The following CROCC2 variants were observed in gnomAD, a reference collection of about 807,000 sequenced individuals.
The protein encoded by CROCC2 is ciliary rootlet coiled-coil, rootletin family member 2, also known as ciliary rootlet coiled-coil protein 2.
A neutral mutation model predicts 177.6 loss-of-function variants in CROCC2; 163 were observed. The ratio of observed to expected loss-of-function variants is 0.92; its 90% CI spans 0.81 to 1.05. The LOEUF (loss-of-function observed/expected upper bound fraction) is 1.05, where lower values mean the gene tolerates loss of function less well. Among genes scored for constraint, CROCC2 ranks in the 50% least tolerant of loss-of-function variants. The pLI, the probability that CROCC2 is intolerant of heterozygous loss-of-function variation, is 0.00. For missense variants in CROCC2, 1,929 were observed against 1,797.8 expected (o/e 1.07, Z -1.32); for synonymous variants, 904 against 787.3 (o/e 1.15, Z -2.48).
At chr2:240,907,435 G>A (rs1384674641) in intron 1 of CROCC2, among the ~76,000 whole-genome samples, 1 of 152,102 alleles carries the variant, frequency 6.6e-6, no homozygotes, top group Non-Finnish European at 1.5e-5. Context: ...GACCCCTCGG[G>A]ACCCCAGGGA....
In CROCC2 at chr2:240,932,871, T is replaced by C. The variant is rs754864017; in HGVS notation, c.1214T>C (p.Met405Thr). Residue 405 changes from methionine to threonine, a missense_variant, in exon 9 of 32, where the codon ATG (methionine) becomes ACG (threonine). Transcript: ENST00000690015. ...PATLDPALQA[M>T]RAAIERRWRR... ...ACCCTGGACCCCGCACTGCAGGCCA[T>C]GCGGGCAGCCATAGAGAGGCGGTGG... 265 of 1,547,098 alleles carry C rather than the reference T, an allele frequency of 1.7e-4. 1 individual carries two copies. The highest frequency in any genetic ancestry group is 2.3e-4 in the Non-Finnish European group (261 of 1,145,910).
rs1574783149 is a variant in CROCC2, at chr2:240,963,866, G to C, written c.3305+93G>C. 1.4e-5 allele frequency: 19 copies of C among 1,347,446 alleles called. No homozygotes were observed. The East Asian group carries it at 4.3e-4, about 30-fold the overall frequency. The allele number at this position is 1,347,446 out of a possible 1,614,324, so 83.5% of individuals were successfully genotyped here. On this transcript the variant is annotated intron_variant, in intron 21 of 31. Coordinates refer to ENST00000690015, the MANE Select transcript of CROCC2 (RefSeq NM_001351305.2). ...GATGGGGCAAGGGGGCTAGGCAGGG[G>C]CGTCCTGTTGACTTGGGCCCCACTG...
chr2:240,965,953 C>A lies in CROCC2; in HGVS notation c.3921C>A (p.Ser1307Arg). The A allele has an allele frequency of 7.2e-7, 1 of 1,396,410 alleles. No homozygotes were observed. Among genetic ancestry groups the A allele is most frequent in the African/African-American group, 1.5e-5 (1 of 68,096 alleles). 86.5% of individuals were successfully genotyped at this position (1,396,410 alleles called of 1,614,324 possible). A position where few individuals can be genotyped will look rare whatever the true frequency, so the allele number is the denominator to read the frequency against. ...GTGGCCTGGGGCTCCAGAGACAGAGCCCGTGGGCCTCCCCGGAGCAGCCTG... is the reference window on the plus strand; with the variant it reads ...GTGGCCTGGGGCTCCAGAGACAGAGACCGTGGGCCTCCCCGGAGCAGCCTG... ...LRRGLGLQRQ[S>R]PWASPEQPGS... The change falls in exon 24 of 32, where the codon AGC becomes AGA. Residue 1307 changes from serine to arginine, a missense_variant. Ser to Arg is a moderately radical substitution (Grantham distance 110, BLOSUM62 -1). Coordinates refer to ENST00000690015, the MANE Select transcript of CROCC2 (RefSeq NM_001351305.2).
intron 21 of CROCC2, 24 bp downstream of exon 21, chr2:240,963,797 C>T: frequency 6.5e-7 from 1 of 1,542,800 alleles, no homozygotes; most frequent in East Asian, 2.5e-5. Flanking sequence ...CCAGGAGCAG[C>T]TGGGGGTGCC....
At chr2:240,991,460 G>A (rs2059879049) in intron 31 of CROCC2, among the ~76,000 whole-genome samples, 182 bp downstream of exon 31, 1 of 152,262 alleles carries the variant, frequency 6.6e-6, no homozygotes. Flanking sequence ...CACGATGACA[G>A]CAGAAAGCAC....
intron 1 of CROCC2, among the ~76,000 whole-genome samples, chr2:240,913,739 C>A (rs760815717): frequency 2.0e-5 from 3 of 152,262 alleles, no homozygotes; most frequent in Non-Finnish European, 2.9e-5. Context: ...GAGACTTAAA[C>A]TGAGCAATTG....
Position 240,918,670 on chromosome 2 carries a change from T to G in CROCC2, c.79-56T>G, listed in dbSNP as rs2059335396. 3 of 535,366 alleles carry G rather than the reference T, an allele frequency of 5.6e-6. No homozygotes were observed. Among genetic ancestry groups the G allele is most frequent in the South Asian group, 2.8e-5 (1 of 35,940 alleles). The allele number at this position is 535,366 out of a possible 1,614,324, so 33.2% of individuals were successfully genotyped here. ...TCCCATTCAGTGGGATCGTAGAGGG[T>G]GCCTGGCAGCTGTTGGGGGCTGCCA... On this transcript the variant is annotated intron_variant, in intron 1 of 31. Transcript: ENST00000690015. This position sits in a 1 kb window ranked among gnomAD's most constrained non-coding sequence, Gnocchi z 6.3.
chr2:240,983,181 G>A, intron 28 of CROCC2, 152 bp downstream of exon 28: 1 of 896,984 alleles, frequency 1.1e-6, no homozygotes, highest in Non-Finnish European at 1.7e-6. Context: ...GGCCTGCAGA[G>A]ACCCAGGCAC....
intron 1 of CROCC2, among the ~76,000 whole-genome samples, chr2:240,911,296 CTTTTT>C (rs35968018): frequency 2.4e-5 from 3 of 123,076 alleles, no homozygotes; most frequent in African/African-American, 9.2e-5. Context: ...ACGTCCACAA[CTTTTT>C]TTTTTTTTTT....
rs1228639854 is a variant in CROCC2, at chr2:240,946,084, G to A, written c.2194G>A (p.Glu732Lys). The A allele has an allele frequency of 2.0e-6, 3 of 1,527,060 alleles. No individual in the cohort carries two copies. Among genetic ancestry groups the A allele is most frequent in the South Asian group, 1.2e-5 (1 of 82,700 alleles). 94.6% of individuals were successfully genotyped at this position (1,527,060 alleles called of 1,614,324 possible). A position where few individuals can be genotyped will look rare whatever the true frequency, so the allele number is the denominator to read the frequency against. The change falls in exon 15 of 32, where the codon GAG becomes AAG. Residue 732 changes from glutamate to lysine, a missense_variant. Glu to Lys is a moderately conservative substitution (Grantham distance 56). This residue lies in a region of CROCC2 where 1,397 missense variants were observed against 1,239.9 expected (regional missense o/e 1.13). Transcript: ENST00000690015. Reference protein sequence around the residue: ...GQVTCQKQALEEQLAQSLQDQ... With the variant: ...GQVTCQKQALKEQLAQSLQDQ... ...GGTCACATGCCAGAAACAGGCCCTG[G>A]AGGAGCAGCTGGCTCAGAGCCTGCA...
chr2:240,916,179 C>T (rs2059318937), intron 1 of CROCC2, among the ~76,000 whole-genome samples: 1 of 152,042 alleles, frequency 6.6e-6, no homozygotes, highest in African/African-American at 2.4e-5. Context: ...GGGTCCTAAG[C>T]GCTTAGGCTG....
At position 240,935,503 on chromosome 2, in the gene CROCC2, G is replaced by A. The variant is rs948900548; in HGVS notation, c.2084G>A (p.Arg695His). The A allele has an allele frequency of 1.1e-5, 15 of 1,344,672 alleles. No homozygotes were observed. The highest frequency in any genetic ancestry group is 6.8e-5 in the Admixed American group (2 of 29,562). 83.3% of individuals were successfully genotyped at this position (1,344,672 alleles called of 1,614,324 possible). A position where few individuals can be genotyped will look rare whatever the true frequency, so the allele number is the denominator to read the frequency against. The change falls in exon 14 of 32, where the codon CGC (arginine) becomes CAC (histidine). Residue 695 changes from arginine (R) to histidine (H), a missense_variant. By Grantham distance (29) the Arg-to-His change is conservative. Transcript: ENST00000690015. ...AGGGGCCTGCAGCAGGCCTGCGGAC[G>A]CCTGGAGCAGCGGCAGGAGCAGCTG... Reference protein sequence around the residue: ...ERRGLQQACGRLEQRQEQLEG... With the variant: ...ERRGLQQACGHLEQRQEQLEG...
chr2:240,927,311 G>C (rs2059401407), intron 5 of CROCC2, among the ~76,000 whole-genome samples: 1 of 152,142 alleles, frequency 6.6e-6, no homozygotes, highest in Non-Finnish European at 1.5e-5. Flanking sequence ...AGGGTTCGCG[G>C]AACCTCTGTG....
chr2:240,967,633 C>A, intron 26 of CROCC2, 168 bp downstream of exon 26: 1 of 961,212 alleles, frequency 1.0e-6, no homozygotes, highest in Non-Finnish European at 1.2e-6. Flanking sequence ...TGGGTCAGCG[C>A]TTGGCATCGG....
rs1013062434 is a variant in CROCC2 at position 240,930,832 on chromosome 2, G to A, written c.750-99G>A. Reference sequence around the variant, plus strand: ...CCATGCAGTGGGGGCTTCTCCTGACGATGGCCAAGGAGGGGGTCCTCTGTG... The same window carrying A: ...CCATGCAGTGGGGGCTTCTCCTGACAATGGCCAAGGAGGGGGTCCTCTGTG... On this transcript the variant is annotated intron_variant, in intron 6 of 31. Coordinates refer to ENST00000690015, the MANE Select transcript of CROCC2 (RefSeq NM_001351305.2). 2.2e-5 allele frequency: 13 copies of A among 602,038 alleles called. 1 individual carries two copies. The highest frequency in any genetic ancestry group is 7.9e-5 in the South Asian group (4 of 50,816). 37.3% of individuals were successfully genotyped at this position (602,038 alleles called of 1,614,324 possible).
At chr2:240,962,499 C>T (rs1446916340) in intron 20 of CROCC2, among the ~76,000 whole-genome samples, 2 of 151,986 alleles carry the variant, frequency 1.3e-5, no homozygotes, top group Non-Finnish European at 2.9e-5. Flanking sequence ...TGGAGGGGAG[C>T]GGAGGGGAGG....
intron 4 of CROCC2, among the ~76,000 whole-genome samples, chr2:240,922,957 C>T (rs115945177): frequency 0.011 from 1,716 of 152,172 alleles, 27 homozygotes; most frequent in African/African-American, 0.039. Context: ...CTGGGCTCAG[C>T]GTGGGCCTCT....
rs1412083119 is a variant in CROCC2 at position 240,935,408 on chromosome 2, G to A, written c.1989G>A (p.Gln663=). The change falls in exon 14 of 32, where the codon CAG becomes CAA. Residue 663 remains glutamine, a synonymous_variant. Transcript: ENST00000690015. ...QLREQRKTLE[Q]ERARAGEQLA... is the part of the protein sequence containing the mutation. ...GGGAACAGCGGAAGACTCTGGAGCAGGAACGGGCCCGGGCCGGGGAGCAGC... is the reference window on the plus strand; with the variant it reads ...GGGAACAGCGGAAGACTCTGGAGCAAGAACGGGCCCGGGCCGGGGAGCAGC... 4.8e-5 allele frequency: 66 copies of A among 1,377,188 alleles called. No homozygotes were observed. Among genetic ancestry groups the A allele is most frequent in the Non-Finnish European group, 6.2e-5 (66 of 1,059,908 alleles). The allele number at this position is 1,377,188 out of a possible 1,614,324, so 85.3% of individuals were successfully genotyped here. A position where few individuals can be genotyped will look rare whatever the true frequency, so the allele number is the denominator to read the frequency against.
Position 240,933,769 on chromosome 2 carries a change from G to T in CROCC2, c.1563G>T (p.Leu521=), listed in dbSNP as rs530750586. ...GGCTGGAGGCCGAGGCTGCAGAGCT[G>T]CAGAGAAGCCTCCTGCTGCAGGCAG... ...KQGLEAEAAE[L]QRSLLLQAER... is the part of the protein sequence containing the mutation. The change falls in exon 11 of 32, where the codon CTG becomes CTT. Residue 521 remains leucine, a synonymous_variant. Transcript: ENST00000690015. 1.9e-6 allele frequency: 3 copies of T among 1,549,458 alleles called. No individual in the cohort carries two copies. The highest frequency in any genetic ancestry group is 2.6e-6 in the Non-Finnish European group (3 of 1,146,802).
Sources: gnomAD v4.1 joint callset for allele counts (sites outside exome capture counted in the v4.1 genomes callset) on GRCh38, gnomAD v4.1.1 for gene constraint, gnomAD v4.1.1 regional missense constraint, Gnocchi (gnomAD v3.1) non-coding constraint, MANE v1.5 for transcripts, NCBI Gene and HGNC (gene_info 2026-07-23, HGNC 2026-07-21) for gene names.